NEK11: variants seen among roughly 807,000 people sequenced by gnomAD.
NEK11 encodes the protein serine/threonine-protein kinase Nek11.
NEK11 carries 72 observed loss-of-function variants against 80.7 expected under a neutral mutation model. The observed-to-expected ratio is 0.89, with a 90% confidence interval of 0.74 to 1.08. The LOEUF (loss-of-function observed/expected upper bound fraction) is 1.08, where lower values mean the gene tolerates loss of function less well. NEK11 is among the 50% of genes least tolerant of loss of function. NEK11 has a pLI of 0.00. For missense variants in NEK11, 764 were observed against 763.6 expected (o/e 1.00, Z -0.01); for synonymous variants, 251 against 260.7 (o/e 0.96, Z 0.36).
At chr3:131,239,944 A>G (rs555420266) in intron 15 of NEK11, among the ~76,000 whole-genome samples, 11 of 152,284 alleles carry the variant, frequency 7.2e-5, no homozygotes, top group South Asian at 6.2e-4. Context: ...TTCAGCTTCA[A>G]TGAGAACTGT....
intron 4 of NEK11, among the ~76,000 whole-genome samples, chr3:131,108,805 G>A (rs1363387249): frequency 6.6e-6 from 1 of 151,962 alleles, no homozygotes; most frequent in African/African-American, 2.4e-5. Context: ...TATTCCTTAG[G>A]GTTTTGCTAT....
At chr3:131,146,087 C>T (rs1363984492) in intron 7 of NEK11, among the ~76,000 whole-genome samples, 4 of 151,994 alleles carry the variant, frequency 2.6e-5, no homozygotes, top group Non-Finnish European at 5.9e-5. Context: ...TGTTACAGCC[C>T]TTCCGATATG....
chr3:131,343,389 T>G (rs2097314567), intron 17 of NEK11, among the ~76,000 whole-genome samples: 1 of 152,160 alleles, frequency 6.6e-6, no homozygotes, highest in Non-Finnish European at 1.5e-5. Flanking sequence ...AGGCCAAGTA[T>G]ATAGTTACTG....
intron 14 of NEK11, among the ~76,000 whole-genome samples, chr3:131,188,860 A>G (rs2093689851): frequency 6.6e-6 from 1 of 152,076 alleles, no homozygotes; most frequent in Non-Finnish European, 1.5e-5. Context: ...ATGACCCCCA[A>G]AAGATATGTC....
At chr3:131,243,337 A>ATT in intron 15 of NEK11, 99 bp from the exon 16 acceptor site, 1 of 1,078,888 alleles carries the variant, frequency 9.3e-7, no homozygotes, top group Non-Finnish European at 1.3e-6. Context: ...TTGGAACCAG[A>ATT]TTTTTTTTTC....
chr3:131,215,387 C>T (rs979040484), intron 14 of NEK11, among the ~76,000 whole-genome samples: 2 of 151,500 alleles, frequency 1.3e-5, no homozygotes, highest in Non-Finnish European at 2.9e-5. Context: ...CAGACCTGCA[C>T]GTTGTGCACA....
intron 17 of NEK11, among the ~76,000 whole-genome samples, chr3:131,307,163 G>A (rs1410840619): frequency 6.6e-6 from 1 of 152,130 alleles, no homozygotes; most frequent in Non-Finnish European, 1.5e-5. Context: ...TTCGTATCCT[G>A]TACCTCCTAT....
chr3:131,305,151 G>C (rs554361656), intron 17 of NEK11, among the ~76,000 whole-genome samples: 1 of 151,702 alleles, frequency 6.6e-6, no homozygotes, highest in Non-Finnish European at 1.5e-5. Context: ...GTGCTATGGT[G>C]TGTGCACTGG....
chr3:131,150,555 G>T (rs2089450942), intron 7 of NEK11, among the ~76,000 whole-genome samples: 1 of 151,734 alleles, frequency 6.6e-6, no homozygotes, highest in Non-Finnish European at 1.5e-5. Flanking sequence ...GTGTTTGTAT[G>T]GTTTTTCTAT....
At chr3:131,265,551 C>T (rs1209184488) in intron 16 of NEK11, among the ~76,000 whole-genome samples, 1 of 152,164 alleles carries the variant, frequency 6.6e-6, no homozygotes, top group Non-Finnish European at 1.5e-5. Flanking sequence ...AGCCTTGCAT[C>T]ACAGGAATGA....
At chr3:131,093,832 A>G (rs1388354568) in intron 4 of NEK11, among the ~76,000 whole-genome samples, 1 of 152,062 alleles carries the variant, frequency 6.6e-6, no homozygotes, top group Non-Finnish European at 1.5e-5. Flanking sequence ...CATTCAGTCT[A>G]GTTCCCTGCA....
chr3:131,211,982 T>C (rs2094636152), intron 14 of NEK11, among the ~76,000 whole-genome samples: 1 of 152,230 alleles, frequency 6.6e-6, no homozygotes, highest in Non-Finnish European at 1.5e-5. Context: ...GTCAAAGTCA[T>C]TCTCCTTCCA....
chr3:131,125,012 TG>T (rs2083066329), intron 5 of NEK11, among the ~76,000 whole-genome samples: 1 of 151,996 alleles, frequency 6.6e-6, no homozygotes. Context: ...GACCTCAAGA[TG>T]AAGTGGCCTA....
At chr3:131,109,727 T>C in intron 4 of NEK11, 76 bp from the exon 5 acceptor site, 1 of 1,384,498 alleles carries the variant, frequency 7.2e-7, no homozygotes, top group Non-Finnish European at 9.8e-7. Flanking sequence ...GACTGCTATG[T>C]ATTAACTGTT....
chr3:131,273,557 G>C lies in NEK11; in HGVS notation c.1701G>C (p.Lys567Asn). Residue 567 changes from lysine (K) to asparagine (N), a missense_variant, in exon 17 of 18, where the codon AAG (lysine) becomes AAC (asparagine). Lys to Asn is a moderately conservative substitution (Grantham distance 94, BLOSUM62 0). Transcript: ENST00000383366. ...TCAACAGTGTGATGGCCAGGACCAA[G>C]ATGAAACGCATGAGGGAGTAAGTAG... Reference protein sequence around the residue: ...PIFNSVMARTKMKRMRESAMQ... With the variant: ...PIFNSVMARTNMKRMRESAMQ... The C allele has an allele frequency of 6.2e-7, 1 of 1,613,750 alleles. No individual in the cohort carries two copies. Among genetic ancestry groups the C allele is most frequent in the Non-Finnish European group, 8.5e-7 (1 of 1,179,704 alleles).
intron 3 of NEK11, among the ~76,000 whole-genome samples, chr3:131,043,549 A>C (rs191390076): frequency 1.3e-5 from 2 of 152,360 alleles, no homozygotes; most frequent in Non-Finnish European, 1.5e-5. Flanking sequence ...TCAAGTGTGA[A>C]GACAAGATTA....
chr3:131,107,208 C>T (rs1014295634), intron 4 of NEK11, among the ~76,000 whole-genome samples: 1 of 151,944 alleles, frequency 6.6e-6, no homozygotes, highest in Non-Finnish European at 1.5e-5. Flanking sequence ...CTAGCTTGTC[C>T]TTAGTAAGGT....
At chr3:131,079,719 T>C (rs1304091195) in intron 3 of NEK11, among the ~76,000 whole-genome samples, 1 of 152,226 alleles carries the variant, frequency 6.6e-6, no homozygotes, top group African/African-American at 2.4e-5. Context: ...ATGTTAGAAA[T>C]ACTAAATATC....
chr3:131,318,774 T>C (rs1192556828), intron 17 of NEK11, among the ~76,000 whole-genome samples: 1 of 150,494 alleles, frequency 6.6e-6, no homozygotes, highest in Non-Finnish European at 1.5e-5. Context: ...AAACAGTTGA[T>C]AATTTATAAT....
Sources: gnomAD v4.1 joint callset for allele counts (sites outside exome capture counted in the v4.1 genomes callset) on GRCh38, gnomAD v4.1.1 for gene constraint, MANE v1.5 for transcripts, NCBI Gene and HGNC (gene_info 2026-07-23, HGNC 2026-07-21) for gene names.